MKX: variants seen among roughly 807,000 people sequenced by gnomAD.
MKX encodes the protein homeobox protein Mohawk.
MKX carries 13 observed loss-of-function variants against 36.0 expected under a neutral mutation model. The ratio of observed to expected loss-of-function variants is 0.36; its 90% CI spans 0.24 to 0.57. The LOEUF (loss-of-function observed/expected upper bound fraction) is 0.57. Ranked by LOEUF, MKX falls within the 20% of genes least tolerant of loss-of-function variation. The probability of loss-of-function intolerance (pLI) is 0.79; values close to 1 mark genes in which losing one functional copy is unlikely to be tolerated. For synonymous variants in MKX, 176 were observed against 178.3 expected (o/e 0.99, Z 0.10); for missense variants, 458 against 456.4 (o/e 1.00, Z -0.03).
intron 5 of MKX, among the ~76,000 whole-genome samples, chr10:27,716,845 T>C (rs1462035002): frequency 6.6e-6 from 1 of 152,196 alleles, no homozygotes; most frequent in Admixed American, 6.5e-5. Flanking sequence ...CATCTGTGAA[T>C]ATGTTACGTT....
chr10:27,682,092 C>G (rs1260516965), intron 5 of MKX, among the ~76,000 whole-genome samples: 1 of 152,088 alleles, frequency 6.6e-6, no homozygotes, highest in Non-Finnish European at 1.5e-5. Context: ...TATTGATGAG[C>G]CTTACCCTGT....
intron 5 of MKX, among the ~76,000 whole-genome samples, chr10:27,698,875 T>G (rs1836603552): frequency 6.6e-6 from 1 of 152,174 alleles, no homozygotes; most frequent in Non-Finnish European, 1.5e-5. Flanking sequence ...TGTAAATCAA[T>G]CAATCAATAA....
chr10:27,685,375 G>T (rs953934474), intron 5 of MKX, among the ~76,000 whole-genome samples: 5 of 151,418 alleles, frequency 3.3e-5, no homozygotes, highest in African/African-American at 1.2e-4. Flanking sequence ...CAAGGAATCT[G>T]TCCAGATTGT....
At chr10:27,732,025 T>C (rs549112721) in intron 5 of MKX, among the ~76,000 whole-genome samples, 42 of 152,230 alleles carry the variant, frequency 2.8e-4, no homozygotes, top group Non-Finnish European at 4.1e-4. Context: ...ATTTGTACTG[T>C]CATAACTGTA....
chr10:27,711,483 C>CTTTCTTTCTTTCTTTTTCTT lies in MKX; in HGVS notation c.838+22972_838+22973insAAGAAAAAGAAAGAAAGAAA. On this transcript the variant is annotated intron_variant, in intron 5 of 6. Transcript: ENST00000419761. ...TCTTTCTTTCTTTCTTTCTTTCTTT[C>CTTTCTTTCTTTCTTTTTCTT]TCTCTCTCTCTCTTCTTTCCTTCCT... is the stretch of plus-strand genomic sequence containing the variant. 2.0e-3 allele frequency among the ~76,000 whole-genome samples: 125 copies of CTTTCTTTCTTTCTTTTTCTT among 63,260 alleles called. 3 individuals are homozygous for CTTTCTTTCTTTCTTTTTCTT. The highest frequency in any genetic ancestry group is 6.6e-3 in the African/African-American group (115 of 17,316). The allele number at this position is 63,260 out of a possible 152,430, so 41.5% of individuals were successfully genotyped here.
At chr10:27,712,558 A>T (rs934349280) in intron 5 of MKX, among the ~76,000 whole-genome samples, 5 of 152,164 alleles carry the variant, frequency 3.3e-5, no homozygotes, top group Non-Finnish European at 7.3e-5. Context: ...GTGAGGCTGG[A>T]GACCCTGGGA....
intron 5 of MKX, among the ~76,000 whole-genome samples, chr10:27,707,701 G>A (rs529163695): frequency 6.6e-6 from 1 of 152,196 alleles, no homozygotes; most frequent in South Asian, 2.1e-4. Flanking sequence ...ACTAAGTATG[G>A]GTTAATTCTG....
Position 27,741,744 on chromosome 10 carries a change from C to T in MKX, c.189-240G>A, listed in dbSNP as rs558694262. Among the ~76,000 whole-genome samples the T allele has an allele frequency of 1.3e-5, 2 of 152,346 alleles. No homozygotes were observed. Among genetic ancestry groups the T allele is most frequent in the African/African-American group, 4.8e-5 (2 of 41,576 alleles). On this transcript the variant is annotated intron_variant, in intron 2 of 6. Coordinates refer to ENST00000419761, the MANE Select transcript of MKX (RefSeq NM_173576.3). The surrounding 1 kb of genome is among the most constrained non-coding windows in gnomAD (Gnocchi z 5.1). ...GGGGGATACCTTGAACCCAATACCC[C>T]AAGGTTAGAGGTTTAGAAGACGAAG... is the stretch of plus-strand genomic sequence containing the variant.
intron 5 of MKX, among the ~76,000 whole-genome samples, chr10:27,717,276 C>G (rs1199712667): frequency 6.6e-6 from 1 of 152,168 alleles, no homozygotes. Context: ...ACTTCCAGAA[C>G]TTTGGGCTCA....
intron 5 of MKX, 120 bp from the exon 6 acceptor site, chr10:27,675,674 T>C: frequency 4.7e-6 from 5 of 1,063,606 alleles, no homozygotes; most frequent in Non-Finnish European, 6.8e-6. Context: ...TGAAAATTAG[T>C]TCGCTTTTAA....
intron 5 of MKX, among the ~76,000 whole-genome samples, chr10:27,701,844 T>C (rs1385032790): frequency 1.6e-5 from 2 of 125,670 alleles, no homozygotes; most frequent in South Asian, 2.5e-4. Flanking sequence ...TATATATATA[T>C]ATACACAAAG....
rs1834967157 is a variant in MKX, at chr10:27,743,439, G to A, written c.-24C>T. The A allele has an allele frequency of 1.3e-6, 2 of 1,517,768 alleles. No individual in the cohort carries two copies. The highest frequency in any genetic ancestry group is 2.6e-5 in the East Asian group (1 of 38,396). The allele number at this position is 1,517,768 out of a possible 1,614,324, so 94.0% of individuals were successfully genotyped here. A position where few individuals can be genotyped will look rare whatever the true frequency, so the allele number is the denominator to read the frequency against. On this transcript the variant is annotated 5_prime_UTR_variant, in exon 2 of 7. Transcript: ENST00000419761. Reference sequence around the variant, plus strand: ...ATGGTGTCGGTTGGTAGGGACGCGCGGCGCGGCCGCAGAGCCTCGGGGCTG... The same window carrying A: ...ATGGTGTCGGTTGGTAGGGACGCGCAGCGCGGCCGCAGAGCCTCGGGGCTG...
chr10:27,678,135 C>T (rs1352266836), intron 5 of MKX, among the ~76,000 whole-genome samples: 1 of 152,190 alleles, frequency 6.6e-6, no homozygotes, highest in Non-Finnish European at 1.5e-5. Context: ...GATAGCATGT[C>T]TCCATAGTAT....
chr10:27,691,373 G>T (rs1277501263), intron 5 of MKX, among the ~76,000 whole-genome samples: 2 of 152,056 alleles, frequency 1.3e-5, no homozygotes, highest in African/African-American at 4.8e-5. Context: ...CATTCAAAAT[G>T]GACTGTTTTA....
chr10:27,713,258 A>G (rs1836904712), intron 5 of MKX, among the ~76,000 whole-genome samples: 1 of 152,226 alleles, frequency 6.6e-6, no homozygotes, highest in East Asian at 1.9e-4. Context: ...ATTGCTATTT[A>G]GATCAAAAGG....
chr10:27,735,606 C>T (rs940097278), intron 3 of MKX, among the ~76,000 whole-genome samples: 3 of 151,958 alleles, frequency 2.0e-5, no homozygotes, highest in Admixed American at 1.3e-4. Context: ...AAGGCCTTGA[C>T]ATCAAAAAAT....
At chr10:27,677,201 G>C (rs1304308286) in intron 5 of MKX, among the ~76,000 whole-genome samples, 1 of 152,148 alleles carries the variant, frequency 6.6e-6, no homozygotes, top group East Asian at 1.9e-4. Flanking sequence ...ACTTGGCACT[G>C]TGCTGCACAC....
At position 27,742,848 on chromosome 10, in the gene MKX, T is replaced by C. The variant is rs1834937605; in HGVS notation, c.188+380A>G. On this transcript the variant is annotated intron_variant, in intron 2 of 6. Transcript: ENST00000419761. This position sits in a 1 kb window ranked among gnomAD's most constrained non-coding sequence, Gnocchi z 4.2. ...GCCTGAGCCTGGACTCCCCGACTGCTCGGCTTCGCCTGTTTCTCTGCACCG... is the reference window on the plus strand; with the variant it reads ...GCCTGAGCCTGGACTCCCCGACTGCCCGGCTTCGCCTGTTTCTCTGCACCG... Among the ~76,000 whole-genome samples the C allele has an allele frequency of 6.6e-6, 1 of 152,112 alleles. No homozygotes were observed. The highest frequency in any genetic ancestry group is 2.4e-5 in the African/African-American group (1 of 41,430).
chr10:27,714,009 C>CAAAAAAAAAAAAA (rs10632508), intron 5 of MKX, among the ~76,000 whole-genome samples: 5 of 102,478 alleles, frequency 4.9e-5, no homozygotes, highest in Non-Finnish European at 6.3e-5. Context: ...GTGCAAAGAC[C>CAAAAAAAAAAAAA]AAAAAAAAAA....
Sources: gnomAD v4.1 joint callset for allele counts (sites outside exome capture counted in the v4.1 genomes callset) on GRCh38, gnomAD v4.1.1 for gene constraint, Gnocchi (gnomAD v3.1) non-coding constraint, MANE v1.5 for transcripts, NCBI Gene and HGNC (gene_info 2026-07-23, HGNC 2026-07-21) for gene names.